The following RARB variants were observed in gnomAD, a reference collection of about 807,000 sequenced individuals.
The protein encoded by RARB is retinoic acid receptor beta.
In RARB, 17 loss-of-function variants were observed where a neutral mutation model predicts 51.9. The observed-to-expected ratio is 0.33, with a 90% CI of 0.22 to 0.49. The LOEUF is 0.49. RARB is among the 20% of genes least tolerant of loss of function. The pLI, the probability that RARB is intolerant of heterozygous loss-of-function variation, is 0.99. For synonymous variants in RARB, 215 were observed against 195.4 expected, an observed-to-expected ratio of 1.10 and a Z score of -0.84; for missense variants, 369 against 550.8, an observed-to-expected ratio of 0.67 and a Z score of 3.30.
intron 5 of RARB, among the ~76,000 whole-genome samples, chr3:25,204,059 G>C (rs1055734365): frequency 6.6e-6 from 1 of 152,030 alleles, no homozygotes; most frequent in Non-Finnish European, 1.5e-5. Context: ...ATCACTTTCG[G>C]GTACACCAAT....
intron 5 of RARB, among the ~76,000 whole-genome samples, chr3:25,182,848 A>C (rs1432325194): frequency 1.3e-5 from 2 of 152,188 alleles, no homozygotes; most frequent in African/African-American, 4.8e-5. Flanking sequence ...GTGAGCCCTA[A>C]TCCAGTATGA....
chr3:25,066,750 A>T (rs1269149777), intron 3 of RARB, among the ~76,000 whole-genome samples: 2 of 152,168 alleles, frequency 1.3e-5, no homozygotes, highest in Non-Finnish European at 2.9e-5. Context: ...AATACCAAAA[A>T]AAAACAGAAA....
chr3:24,877,345 A>AATTTTTTTTTTTTTTTTTTTTTTT (rs1559379782), intron 2 of RARB, among the ~76,000 whole-genome samples: 1 of 17,756 alleles, frequency 5.6e-5, no homozygotes, highest in African/African-American at 2.9e-4. Flanking sequence ...AAGCAATCTT[A>AATTTTTTTTTTTTTTTTTTTTTTT]CTTTTTTTTT....
At chr3:24,987,410 A>G (rs916248207) in intron 2 of RARB, among the ~76,000 whole-genome samples, 2 of 152,238 alleles carry the variant, frequency 1.3e-5, no homozygotes, top group African/African-American at 4.8e-5. Flanking sequence ...AGAAGGAGAA[A>G]TGGTGCAGTG....
At chr3:24,867,788 TG>T (rs1418827470) in intron 2 of RARB, among the ~76,000 whole-genome samples, 1 of 152,050 alleles carries the variant, frequency 6.6e-6, no homozygotes, top group African/African-American at 2.4e-5. Context: ...TCCATTAAGT[TG>T]AAAAATCAAC....
At chr3:24,967,910 C>T (rs1282168636) in intron 2 of RARB, among the ~76,000 whole-genome samples, 1 of 151,982 alleles carries the variant, frequency 6.6e-6, no homozygotes, top group African/African-American at 2.4e-5. Context: ...AGGCAGACAC[C>T]CTAAGGGGGA....
At chr3:25,465,943 G>A (rs1347890084) in intron 2 of RARB, among the ~76,000 whole-genome samples, 2 of 152,098 alleles carry the variant, frequency 1.3e-5, no homozygotes. Flanking sequence ...TTCAACTTTT[G>A]TAGCTTTTGA....
At chr3:24,958,255 GTTT>G (rs71057692) in intron 2 of RARB, among the ~76,000 whole-genome samples, 1,064 of 69,442 alleles carry the variant, frequency 0.015, 33 homozygotes, top group African/African-American at 0.036. Context: ...AGCTGCTCAG[GTTT>G]TTTTTTTTTT....
chr3:25,449,517 G>C (rs1399913052), intron 1 of RARB, among the ~76,000 whole-genome samples: 1 of 152,130 alleles, frequency 6.6e-6, no homozygotes, highest in Non-Finnish European at 1.5e-5. Flanking sequence ...CTTCCTGCCA[G>C]GGACAGCTGC....
chr3:25,525,118 T>C (rs79151320), intron 3 of RARB, among the ~76,000 whole-genome samples: 4,335 of 152,302 alleles, frequency 0.028, 207 homozygotes, highest in African/African-American at 0.099. Context: ...GTGTACCTCA[T>C]AACATTATAA....
At chr3:25,304,654 G>C (rs531472728) in intron 5 of RARB, among the ~76,000 whole-genome samples, 3 of 152,210 alleles carry the variant, frequency 2.0e-5, no homozygotes, top group African/African-American at 7.2e-5. Context: ...CCACTACCGC[G>C]CTAGTCCACG....
intron 1 of RARB, among the ~76,000 whole-genome samples, chr3:25,430,590 CTTTG>C (rs1354985832): frequency 6.6e-6 from 1 of 152,164 alleles, no homozygotes; most frequent in Non-Finnish European, 1.5e-5. Flanking sequence ...GGGGGAAAAG[CTTTG>C]TTTGTTCTTG....
At chr3:25,589,113 TGGGA>T (rs1463090828) in intron 5 of RARB, among the ~76,000 whole-genome samples, 5 of 152,088 alleles carry the variant, frequency 3.3e-5, no homozygotes, top group African/African-American at 1.2e-4. Flanking sequence ...AAAAGGGTGG[TGGGA>T]TAGAAAATAA....
chr3:25,050,896 A>G (rs1028694756), intron 2 of RARB, among the ~76,000 whole-genome samples: 3 of 151,908 alleles, frequency 2.0e-5, no homozygotes, highest in Admixed American at 1.3e-4. Context: ...TTGACCATCC[A>G]CTCCTCTTCA....
chr3:25,470,508 TGAG>T (rs1405882871), intron 2 of RARB, among the ~76,000 whole-genome samples: 2 of 152,052 alleles, frequency 1.3e-5, no homozygotes, highest in Non-Finnish European at 2.9e-5. Context: ...ATTTTCCAGA[TGAG>T]GAAGGGGAGA....
chr3:24,847,037 G>C (rs1471801970), intron 1 of RARB, among the ~76,000 whole-genome samples: 1 of 152,120 alleles, frequency 6.6e-6, no homozygotes, highest in African/African-American at 2.4e-5. Flanking sequence ...AGGAGATCTT[G>C]GTAAAATAGA....
At chr3:24,866,795 T>C (rs756284655) in intron 2 of RARB, among the ~76,000 whole-genome samples, 6 of 152,150 alleles carry the variant, frequency 3.9e-5, no homozygotes, top group Non-Finnish European at 5.9e-5. Flanking sequence ...TTTACACATG[T>C]AGAGCTGGTT....
chr3:24,887,581 G>A (rs1703289240), intron 2 of RARB, among the ~76,000 whole-genome samples: 1 of 152,172 alleles, frequency 6.6e-6, no homozygotes, highest in Non-Finnish European at 1.5e-5. Context: ...TTGAACAATA[G>A]TTTTTACACT....
At chr3:25,435,388 A>G (rs1189762399) in intron 1 of RARB, among the ~76,000 whole-genome samples, 3 of 152,222 alleles carry the variant, frequency 2.0e-5, no homozygotes, top group Non-Finnish European at 4.4e-5. Context: ...GACCTCATGT[A>G]ATAAATTTGT....
Sources: allele counts gnomAD v4.1 joint callset (sites outside exome capture counted in the v4.1 genomes callset), GRCh38; gene constraint gnomAD v4.1.1; transcripts MANE v1.5; gene names NCBI Gene and HGNC (gene_info 2026-07-23, HGNC 2026-07-21).